Variants in TMPRSS15 observed in about 807,000 individuals in gnomAD.
TMPRSS15 encodes enteropeptidase.
In TMPRSS15, 128 loss-of-function variants were observed where a neutral mutation model predicts 125.3. That is an observed-to-expected ratio of 1.02 (90% CI 0.89 to 1.18). The LOEUF is 1.18. Ranked by LOEUF, TMPRSS15 falls within the 50% of genes most tolerant of loss-of-function variation. The probability of loss-of-function intolerance (pLI) is 0.00; values close to 1 mark genes in which losing one functional copy is unlikely to be tolerated. For synonymous variants in TMPRSS15, 446 were observed against 423.2 expected (o/e 1.05, Z -0.66); for missense variants, 1,283 against 1,212.7 (o/e 1.06, Z -0.86).
At chr21:18,397,249 A>G (rs369624219) in intron 3 of TMPRSS15, among the ~76,000 whole-genome samples, 1 of 152,166 alleles carries the variant, frequency 6.6e-6, no homozygotes, top group Non-Finnish European at 1.5e-5. Flanking sequence ...ACTCTCCTTC[A>G]TGATACAACA....
At chr21:18,339,923 G>T (rs1331579058) in intron 13 of TMPRSS15, among the ~76,000 whole-genome samples, 1 of 152,144 alleles carries the variant, frequency 6.6e-6, no homozygotes, top group Non-Finnish European at 1.5e-5. Context: ...GTAGACACAG[G>T]CTCGATTTGG....
intron 3 of TMPRSS15, among the ~76,000 whole-genome samples, chr21:18,394,932 ACATG>A (rs1235438896): frequency 6.6e-6 from 1 of 152,186 alleles, no homozygotes; most frequent in African/African-American, 2.4e-5. Context: ...GAAGAGTAAC[ACATG>A]CATAACCATT....
At chr21:18,462,257 G>T (rs1005779851) in intron 1 of TMPRSS15, among the ~76,000 whole-genome samples, 6 of 152,090 alleles carry the variant, frequency 3.9e-5, no homozygotes, top group African/African-American at 1.4e-4. Context: ...ACTCAAGATT[G>T]TGTATAATAG....
In TMPRSS15 at chr21:18,398,430, G is replaced by T. The variant is rs2076061942; in HGVS notation, c.146-101C>A. 4.0e-6 allele frequency: 5 copies of T among 1,239,362 alleles called. No individual in the cohort carries two copies. In the South Asian group the frequency reaches 5.0e-5, roughly 12 times the overall value. The allele number at this position is 1,239,362 out of a possible 1,614,324, so 76.8% of individuals were successfully genotyped here. On this transcript the variant is annotated intron_variant, in intron 1 of 24. Coordinates refer to ENST00000284885, the MANE Select transcript of TMPRSS15 (RefSeq NM_002772.3). ...CATAGAAGTAAAGCTCTCGCCTGAT[G>T]TGTTAGCTCTGTAGTTCTTGCTTTT...
rs1978489958 is a variant in TMPRSS15, at chr21:18,458,725, C to T, written c.10+27074G>A. 2.6e-5 allele frequency among the ~76,000 whole-genome samples: 4 copies of T among 152,122 alleles called. No homozygotes were observed. The South Asian group carries it at 6.2e-4, about 24-fold the overall frequency. On this transcript the variant is annotated intron_variant, in intron 1 of 7. Coordinates refer to the TMPRSS15 transcript ENST00000422787. ...TAGTTCTAACAATGTCTCCATAACA[C>T]CCATAGAAGAGAATCTCAACCCTAA... is the stretch of plus-strand genomic sequence containing the variant.
In TMPRSS15 at chr21:18,413,284, CTTTCTTTCT is replaced by C. The variant is rs1290261724; in HGVS notation, c.11-14964_11-14956del. Among the ~76,000 whole-genome samples the C allele has an allele frequency of 4.4e-4, 45 of 101,722 alleles. 1 individual carries two copies. The highest frequency in any genetic ancestry group is 2.7e-3 in the South Asian group (7 of 2,634). 66.7% of individuals were successfully genotyped at this position (101,722 alleles called of 152,430 possible). A position where few individuals can be genotyped will look rare whatever the true frequency, so the allele number is the denominator to read the frequency against. The stretch of plus-strand genomic sequence containing the variant: ...TTTCTTTCTCTTTCTTTTTCTTTTT[CTTTCTTTCT>C]TTTCTTTCTTTTCTTTCTTTTCCTT... On this transcript the variant is annotated intron_variant, in intron 1 of 7. Transcript: ENST00000422787.
At chr21:18,276,932 T>A (rs1305480842) in intron 23 of TMPRSS15, among the ~76,000 whole-genome samples, 1 of 151,672 alleles carries the variant, frequency 6.6e-6, no homozygotes, top group Non-Finnish European at 1.5e-5. Context: ...GGCTAATTTT[T>A]TTTTTGTATT....
At chr21:18,286,742 G>A (rs1308185855) in intron 21 of TMPRSS15, among the ~76,000 whole-genome samples, 1 of 152,116 alleles carries the variant, frequency 6.6e-6, no homozygotes, top group Non-Finnish European at 1.5e-5. Context: ...GTCACTCTTT[G>A]GTCCTCCACA....
chr21:18,289,930 G>C (rs1380405769), intron 21 of TMPRSS15, among the ~76,000 whole-genome samples: 1 of 152,198 alleles, frequency 6.6e-6, no homozygotes, highest in Admixed American at 6.5e-5. Context: ...TTTAAAAAAT[G>C]CATCGATTTG....
intron 10 of TMPRSS15, among the ~76,000 whole-genome samples, chr21:18,349,298 C>T (rs2075540238): frequency 6.6e-6 from 1 of 152,184 alleles, no homozygotes. Flanking sequence ...ACCTTCTTGA[C>T]CAATTCCTTT....
chr21:18,417,835 A>G lies in TMPRSS15; in HGVS notation c.11-19506T>C, dbSNP rs529171877. ...TCAGTCAAAAGGGTAGCCTACACAC[A>G]TATAAACACGTATACACACAATCAC... is the stretch of plus-strand genomic sequence containing the variant. On this transcript the variant is annotated intron_variant, in intron 1 of 7. Transcript: ENST00000422787. Among the ~76,000 whole-genome samples, 66 of 152,324 alleles carry G rather than the reference A, an allele frequency of 4.3e-4. 1 individual carries two copies. In the South Asian group the frequency reaches 0.013, roughly 30 times the overall value.
chr21:18,471,232 G>A (rs928531114), intron 1 of TMPRSS15, among the ~76,000 whole-genome samples: 7 of 151,938 alleles, frequency 4.6e-5, no homozygotes, highest in African/African-American at 1.7e-4. Context: ...CAAAAAGAAT[G>A]TCCTATTTGC....
chr21:18,386,732 C>T (rs112397534), intron 3 of TMPRSS15, among the ~76,000 whole-genome samples: 2 of 152,258 alleles, frequency 1.3e-5, no homozygotes, highest in South Asian at 2.1e-4. Context: ...TCTCCAATCC[C>T]CCATCTTCAT....
rs2075354019 is a variant in TMPRSS15 at position 18,332,352 on chromosome 21, A to G, written c.1565-179T>C. ...GTAAAGGAAAAATACAGTTAAGTAG[A>G]TAAGAGCTCTAATGATCAGTGATGT... On this transcript the variant is annotated intron_variant, in intron 13 of 24. Coordinates refer to ENST00000284885, the MANE Select transcript of TMPRSS15 (RefSeq NM_002772.3). Among the ~76,000 whole-genome samples the G allele has an allele frequency of 2.0e-5, 3 of 152,298 alleles. No homozygotes were observed. In the South Asian group the frequency reaches 6.2e-4, roughly 32 times the overall value.
At chr21:18,454,809 A>G (rs1431066197) in intron 1 of TMPRSS15, among the ~76,000 whole-genome samples, 2 of 152,212 alleles carry the variant, frequency 1.3e-5, no homozygotes, top group Non-Finnish European at 2.9e-5. Context: ...TACTGATTCA[A>G]AAGCTAATCT....
chr21:18,400,564 A>G (rs1428620794), intron 1 of TMPRSS15, among the ~76,000 whole-genome samples: 1 of 152,180 alleles, frequency 6.6e-6, no homozygotes, highest in African/African-American at 2.4e-5. Context: ...ACCTTTCACC[A>G]TATACAAAAA....
At chr21:18,345,639 A>G (rs7283485) in intron 10 of TMPRSS15, among the ~76,000 whole-genome samples, 135,584 of 142,870 alleles carry the variant, frequency 0.95, 64,773 homozygotes, top group Middle Eastern at 1. Flanking sequence ...TACTCGGGAC[A>G]CTGAGGCAGG....
chr21:18,441,782 C>T (rs900520819), intron 1 of TMPRSS15, among the ~76,000 whole-genome samples: 14 of 151,174 alleles, frequency 9.3e-5, no homozygotes, highest in Non-Finnish European at 2.1e-4. Flanking sequence ...CCTCTGGCTC[C>T]CAGGTTCAAG....
In TMPRSS15 at chr21:18,452,525, G is replaced by A. The variant is rs932392789; in HGVS notation, c.10+33274C>T. ...CAAAAAATAAAAAAATAATATCCGG[G>A]CATGGTGGTGGGCACCTGTGGTCCC... is the stretch of plus-strand genomic sequence containing the variant. On this transcript the variant is annotated intron_variant, in intron 1 of 7. Transcript: ENST00000422787. Among the ~76,000 whole-genome samples, 13 of 152,090 alleles carry A rather than the reference G, an allele frequency of 8.5e-5. 1 individual carries two copies. The highest frequency in any genetic ancestry group is 1.9e-4 in the Non-Finnish European group (13 of 68,032).
Sources: gnomAD v4.1 joint callset for allele counts (sites outside exome capture counted in the v4.1 genomes callset) on GRCh38, gnomAD v4.1.1 for gene constraint, MANE v1.5 for transcripts, NCBI Gene and HGNC (gene_info 2026-07-23, HGNC 2026-07-21) for gene names.